ARFRP1: variants seen among roughly 807,000 people sequenced by gnomAD.
The protein encoded by ARFRP1 is ARF related protein 1, also known as ADP-ribosylation factor-related protein 1.
ARFRP1 carries 19 observed loss-of-function variants against 30.3 expected under a neutral mutation model. The observed-to-expected ratio is 0.63, with a 90% CI of 0.44 to 0.92. The LOEUF is 0.92. Ranked by LOEUF, ARFRP1 falls within the 40% of genes least tolerant of loss-of-function variation. The pLI, the probability that ARFRP1 is intolerant of heterozygous loss-of-function variation, is 0.00. For missense variants in ARFRP1, 245 were observed against 267.5 expected (o/e 0.92, Z 0.59); for synonymous variants, 133 against 114.2 (o/e 1.16, Z -1.05).
chr20:63,702,115 G>A (rs778811394), intron 5 of ARFRP1, 21 bp downstream of exon 5: 1 of 1,604,890 alleles, frequency 6.2e-7, no homozygotes, highest in Non-Finnish European at 8.5e-7. Context: ...ATCCCTCCCA[G>A]AGCAGCCAGG....
At chr20:63,705,863 C>T (rs2091429997) in intron 4 of ARFRP1, 2 of 452,804 alleles carry the variant, frequency 4.4e-6, no homozygotes, top group East Asian at 5.7e-5. Context: ...CAAACCCAAG[C>T]CAGGGTTTGA....
rs1172348183 is a variant in ARFRP1 at position 63,700,285 on chromosome 20, C to G, written c.*158G>C. ...AAAGCCTCCGGATGCCTACGCTTTT[C>G]CAGACATAGAGGAAAGTTTGTCTTC... On this transcript the variant is annotated 3_prime_UTR_variant, in exon 8 of 8. Transcript: ENST00000622789. The G allele has an allele frequency of 8.7e-7, 1 of 1,153,784 alleles. No homozygotes were observed. The highest frequency in any genetic ancestry group is 1.6e-5 in the African/African-American group (1 of 64,488). 71.5% of individuals were successfully genotyped at this position (1,153,784 alleles called of 1,614,324 possible). A position where few individuals can be genotyped will look rare whatever the true frequency, so the allele number is the denominator to read the frequency against.
At chr20:63,706,873 A>T (rs886829826) in intron 2 of ARFRP1, 126 bp downstream of exon 2, 16 of 1,286,830 alleles carry the variant, frequency 1.2e-5, no homozygotes, top group Non-Finnish European at 1.8e-5. Flanking sequence ...GCTGGTGGTG[A>T]CTATCCTGCC....
In ARFRP1 at chr20:63,702,152, C is replaced by A. The variant is rs2145547871; in HGVS notation, c.330G>T (p.Glu110Asp). The A allele has an allele frequency of 6.2e-7, 1 of 1,611,288 alleles. No homozygotes were observed. Among genetic ancestry groups the A allele is most frequent in the Non-Finnish European group, 8.5e-7 (1 of 1,179,598 alleles). Residue 110 changes from glutamate to aspartate, a missense_variant, in exon 5 of 8, where the codon GAG becomes GAT. By Grantham distance (45) the Glu-to-Asp change is conservative. Coordinates refer to ENST00000622789, the MANE Select transcript of ARFRP1 (RefSeq NM_001267547.3). ...CGCACTCACCAAACGCCTGCTTGGA[C>A]TCAGCCAGCCTCTCCTCGTCGGTGG... ...IDSTDEERLA[E>D]SKQAFEKVVT...
intron 1 of ARFRP1, 30 bp from the exon 2 acceptor site, chr20:63,707,127 G>C (rs781459401): frequency 2.6e-6 from 4 of 1,561,220 alleles, no homozygotes; most frequent in Non-Finnish European, 3.5e-6. Context: ...TCAGTGTGCA[G>C]CCAGAAAGCA....
Position 63,706,733 on chromosome 20 carries a change from G to C in ARFRP1, c.99C>G (p.Phe33Leu), listed in dbSNP as rs765545157. The change falls in exon 3 of 8, where the codon TTC becomes TTG. Residue 33 changes from phenylalanine to leucine, a missense_variant. Phe to Leu is a conservative substitution (Grantham distance 22). Coordinates refer to ENST00000622789, the MANE Select transcript of ARFRP1 (RefSeq NM_001267547.3). ...LGLDNAGKTTFLEQSKTRFNK... is the reference protein window; with the variant it reads ...LGLDNAGKTTLLEQSKTRFNK... ...TAAATCGGGTTTTCGACTGCTCCAG[G>C]AAGGTCTGAGGAGAGAGGCAGAGGC... The C allele has an allele frequency of 3.1e-6, 5 of 1,612,910 alleles. No homozygotes were observed. The South Asian group carries it at 5.5e-5, about 18-fold the overall frequency.
chr20:63,702,128 G>T lies in ARFRP1; in HGVS notation c.346+8C>A, dbSNP rs374703716. On this transcript the variant is annotated splice_region_variant and intron_variant, in intron 5 of 7. Coordinates refer to ENST00000622789, the MANE Select transcript of ARFRP1 (RefSeq NM_001267547.3). ...CCATCCCTCCCAGAGCAGCCAGGCC[G>T]CACTCACCAAACGCCTGCTTGGACT... 14 of 1,608,596 alleles carry T rather than the reference G, an allele frequency of 8.7e-6. No individual in the cohort carries two copies. Among genetic ancestry groups the T allele is most frequent in the Non-Finnish European group, 1.2e-5 (14 of 1,178,480 alleles).
rs2091140219 is a variant in ARFRP1 at position 63,700,411 on chromosome 20, G to A, written c.*32C>T. 3 of 1,602,942 alleles carry A rather than the reference G, an allele frequency of 1.9e-6. No individual in the cohort carries two copies. The highest frequency in any genetic ancestry group is 1.3e-5 in the African/African-American group (1 of 74,858). On this transcript the variant is annotated 3_prime_UTR_variant, in exon 8 of 8. Coordinates refer to ENST00000622789, the MANE Select transcript of ARFRP1 (RefSeq NM_001267547.3). ...GGAGGCCACTCCTCCAGCACCAGGG[G>A]ACCAGCCGTCCCGACGGCAGCGCGG...
intron 4 of ARFRP1, chr20:63,705,872 G>C: frequency 1.6e-5 from 7 of 440,978 alleles, no homozygotes; most frequent in Non-Finnish European, 2.3e-5. Context: ...GCCAGGGTTT[G>C]AACATTCCCA....
rs199724431 is a variant in ARFRP1 at position 63,702,199 on chromosome 20, C to T, written c.283G>A (p.Gly95Ser). 11 of 1,611,828 alleles carry T rather than the reference C, an allele frequency of 6.8e-6. No individual in the cohort carries two copies. The highest frequency in any genetic ancestry group is 3.3e-5 in the Admixed American group (2 of 59,992). The change falls in exon 5 of 8, where the codon GGC becomes AGC. Residue 95 changes from glycine (G) to serine (S), a missense_variant. By Grantham distance (56) the Gly-to-Ser change is moderately conservative (BLOSUM62 0). Coordinates refer to ENST00000622789, the MANE Select transcript of ARFRP1 (RefSeq NM_001267547.3). ...GTGGAGTCAATGACGTAGATGACGC[C>T]GTGACACTCCGCATAATACTGGGAG... Reference protein sequence around the residue: ...LWDKYYAECHGVIYVIDSTDE... With the variant: ...LWDKYYAECHSVIYVIDSTDE...
At chr20:63,701,775 G>C (rs1479745242) in intron 6 of ARFRP1, 55 bp downstream of exon 6, 1 of 1,492,354 alleles carries the variant, frequency 6.7e-7, no homozygotes, top group Non-Finnish European at 9.1e-7. Context: ...TCCCCTTGCT[G>C]TGGGGGAGGC....
intron 4 of ARFRP1, chr20:63,702,508 T>C: frequency 2.5e-6 from 1 of 407,552 alleles, no homozygotes; most frequent in Non-Finnish European, 4.5e-6. Flanking sequence ...ATCCCAACAC[T>C]TTGGGAGGCA....
chr20:63,702,004 C>CCT, intron 5 of ARFRP1, 104 bp from the exon 6 acceptor site: 1 of 918,936 alleles, frequency 1.1e-6, no homozygotes, highest in Non-Finnish European at 1.6e-6. Flanking sequence ...CTCTGCCCCC[C>CCT]CCCCCCCCGT....
Position 63,698,663 on chromosome 20 carries a change from T to C in ARFRP1, c.*1780A>G. The C allele has an allele frequency of 6.9e-6, 9 of 1,298,956 alleles. No homozygotes were observed. Among genetic ancestry groups the C allele is most frequent in the Non-Finnish European group, 9.0e-6 (9 of 1,000,012 alleles). The allele number at this position is 1,298,956 out of a possible 1,614,324, so 80.5% of individuals were successfully genotyped here. ...GAAATGAGGTTTCTTAAAGCTTATTTTTATAAAGCTTTTTCATAAAACTGG... is the reference window on the plus strand; with the variant it reads ...GAAATGAGGTTTCTTAAAGCTTATTCTTATAAAGCTTTTTCATAAAACTGG... On this transcript the variant is annotated 3_prime_UTR_variant, in exon 8 of 8. Coordinates refer to ENST00000622789, the MANE Select transcript of ARFRP1 (RefSeq NM_001267547.3).
At chr20:63,706,821 A>G (rs2091493805) in intron 2 of ARFRP1, 83 bp from the exon 3 acceptor site, 1 of 1,351,216 alleles carries the variant, frequency 7.4e-7, no homozygotes, top group Non-Finnish European at 1.1e-6. Flanking sequence ...TGTTCTTTAA[A>G]AGACAGAAAC....
In ARFRP1 at chr20:63,701,893, C is replaced by T; in HGVS notation, c.354G>A (p.Val118=). ...LAESKQAFEK[V]VTSEALCGVP... is the part of the protein sequence containing the mutation. ...CACCGCACAGCGCCTCGCTGGTCACCACCTTCTCTGGGGAGGGCAGGAGAG... is the reference window on the plus strand; with the variant it reads ...CACCGCACAGCGCCTCGCTGGTCACTACCTTCTCTGGGGAGGGCAGGAGAG... The change falls in exon 6 of 8, where the codon GTG becomes GTA. Residue 118 remains valine (V), a synonymous_variant. Coordinates refer to ENST00000622789, the MANE Select transcript of ARFRP1 (RefSeq NM_001267547.3). 3 of 1,550,158 alleles carry T rather than the reference C, an allele frequency of 1.9e-6. No individual in the cohort carries two copies. The highest frequency in any genetic ancestry group is 3.4e-4 in the Middle Eastern group (2 of 5,906).
intron 5 of ARFRP1, 100 bp downstream of exon 5, chr20:63,702,033 ACTT>A (rs2091239375): frequency 1.8e-5 from 15 of 830,736 alleles, no homozygotes; most frequent in Non-Finnish European, 2.7e-5. Flanking sequence ...AGGCAGGAGC[ACTT>A]CTGACCAGAC....
rs1568743976 is a variant in ARFRP1 at position 63,700,225 on chromosome 20, G to A, written c.*218C>T. ...GCCCTGTGGAAAGGCTGCCGCTGCA[G>A]GGCCTGGGCCAGCCGGGCTGCCAGA... On this transcript the variant is annotated 3_prime_UTR_variant, in exon 8 of 8. Coordinates refer to ENST00000622789, the MANE Select transcript of ARFRP1 (RefSeq NM_001267547.3). The A allele has an allele frequency of 1.5e-6, 1 of 653,878 alleles. No individual in the cohort carries two copies. Among genetic ancestry groups the A allele is most frequent in the Non-Finnish European group, 2.5e-6 (1 of 393,964 alleles). The allele number at this position is 653,878 out of a possible 1,614,324, so 40.5% of individuals were successfully genotyped here.
chr20:63,707,309 G>T, intron 1 of ARFRP1: 1 of 561,426 alleles, frequency 1.8e-6, no homozygotes, highest in Non-Finnish European at 3.2e-6. Context: ...CAATGACTGC[G>T]ACCTCTCCGC....
Sources: allele counts gnomAD v4.1 joint callset, GRCh38; gene constraint gnomAD v4.1.1; transcripts MANE v1.5; gene names NCBI Gene and HGNC (gene_info 2026-07-23, HGNC 2026-07-21).